S100A8: variants seen among roughly 807,000 people sequenced by gnomAD.
The protein encoded by S100A8 is protein S100-A8.
Under a neutral mutation model 4.2 loss-of-function variants are expected in S100A8, and 1 was observed. The ratio of observed to expected loss-of-function variants is 0.24; its 90% CI spans 0.08 to 1.12. The LOEUF is 1.12. S100A8 is among the 50% of genes most tolerant of loss of function. The probability of loss-of-function intolerance (pLI) is 0.53; values close to 1 mark genes in which losing one functional copy is unlikely to be tolerated. For synonymous variants in S100A8, 41 were observed against 44.7 expected (o/e 0.92, Z 0.33); for missense variants, 96 against 111.8 (o/e 0.86, Z 0.64).
chr1:153,422,158 CA>C, the S100A8 span: 2 of 152,212 alleles, frequency 1.3e-5, no homozygotes, highest in African/African-American at 4.8e-5. Flanking sequence ...CCAAACTCAC[CA>C]AGGTGGCTTA....
the S100A8 span, among the ~76,000 whole-genome samples, chr1:153,409,138 A>C: frequency 6.6e-6 from 1 of 152,214 alleles, no homozygotes; most frequent in Admixed American, 6.5e-5. Context: ...TATTAACCTT[A>C]AATGTAAATG....
the S100A8 span, among the ~76,000 whole-genome samples, chr1:153,408,020 G>A: frequency 4.2e-4 from 64 of 152,302 alleles, no homozygotes; most frequent in African/African-American, 1.5e-3. Context: ...ATGGGGAGAA[G>A]CCAGAGCAGA....
chr1:153,400,203 T>C, the S100A8 span, among the ~76,000 whole-genome samples: 12 of 152,152 alleles, frequency 7.9e-5, no homozygotes, highest in African/African-American at 2.2e-4. Flanking sequence ...TTTAAATCAG[T>C]TGGGTGATGG....
chr1:153,402,818 G>GA, the S100A8 span, among the ~76,000 whole-genome samples: 1 of 151,988 alleles, frequency 6.6e-6, no homozygotes, highest in Non-Finnish European at 1.5e-5. Flanking sequence ...AGGGAATCAT[G>GA]AAAAAGAAAA....
At chr1:153,408,121 G>A in the S100A8 span, among the ~76,000 whole-genome samples, 2 of 152,214 alleles carry the variant, frequency 1.3e-5, no homozygotes, top group African/African-American at 4.8e-5. Context: ...GATGGAGAAT[G>A]ACTTTGACGA....
the S100A8 span, among the ~76,000 whole-genome samples, chr1:153,406,281 C>T: frequency 8.2e-4 from 124 of 151,656 alleles, no homozygotes; most frequent in Middle Eastern, 3.4e-3. Context: ...CATGGCTGGG[C>T]GGCAGCAAAC....
chr1:153,419,181 G>A, the S100A8 span: 1 of 1,614,148 alleles, frequency 6.2e-7, no homozygotes, highest in Non-Finnish European at 8.5e-7. Flanking sequence ...CACTGTCTTT[G>A]AGAAAAAGGA....
chr1:153,418,045 G>A, the S100A8 span: 3 of 1,612,178 alleles, frequency 1.9e-6, no homozygotes, highest in African/African-American at 1.3e-5. Context: ...GGTAAGAAAT[G>A]ATTGTCTTTA....
chr1:153,410,356 A>G, the S100A8 span, among the ~76,000 whole-genome samples: 1 of 152,390 alleles, frequency 6.6e-6, no homozygotes, highest in Non-Finnish European at 1.5e-5. Flanking sequence ...AAACACTTCT[A>G]TGCAAATAAG....
At chr1:153,405,608 T>A in the S100A8 span, among the ~76,000 whole-genome samples, 1 of 152,138 alleles carries the variant, frequency 6.6e-6, no homozygotes, top group Non-Finnish European at 1.5e-5. Context: ...GAACATCTTA[T>A]CAATATCCTC....
chr1:153,391,242 T>C (rs2101609435), upstream of S100A8: 1 of 980,170 alleles, frequency 1.0e-6, no homozygotes. Context: ...GGTGGGGAGG[T>C]AGGAGAAGCG....
chr1:153,407,647 C>A, the S100A8 span, among the ~76,000 whole-genome samples: 1 of 152,202 alleles, frequency 6.6e-6, no homozygotes, highest in South Asian at 2.1e-4. Context: ...AGTTTGAGAT[C>A]TGAGAACTGA....
the S100A8 span, among the ~76,000 whole-genome samples, chr1:153,416,109 A>T: frequency 2.0e-5 from 3 of 152,188 alleles, no homozygotes; most frequent in African/African-American, 7.2e-5. Flanking sequence ...AACGCTCAGT[A>T]AGCGGTGGGG....
At chr1:153,397,989 C>T in the S100A8 span, among the ~76,000 whole-genome samples, 1 of 152,204 alleles carries the variant, frequency 6.6e-6, no homozygotes, top group African/African-American at 2.4e-5. Flanking sequence ...GGAAACAGGA[C>T]CACCAACAAT....
chr1:153,395,122 A>T (rs529649248), upstream of S100A8, among the ~76,000 whole-genome samples: 6 of 152,210 alleles, frequency 3.9e-5, no homozygotes, highest in Non-Finnish European at 1.5e-5. Context: ...ATACCGGAGG[A>T]CTCAGATCAG....
the S100A8 span, among the ~76,000 whole-genome samples, chr1:153,407,333 C>T: frequency 2.0e-5 from 3 of 152,230 alleles, no homozygotes; most frequent in South Asian, 4.1e-4. Context: ...CCGTGCCTGG[C>T]TCGGACAGTC....
At chr1:153,391,745 G>T (rs1172471381), upstream of S100A8, among the ~76,000 whole-genome samples, 1 of 152,194 alleles carries the variant, frequency 6.6e-6, no homozygotes, top group Non-Finnish European at 1.5e-5. Flanking sequence ...TGCCCTGGGA[G>T]ATGGAGGCTG....
chr1:153,406,343 T>A, the S100A8 span, among the ~76,000 whole-genome samples: 1 of 152,088 alleles, frequency 6.6e-6, no homozygotes, highest in Non-Finnish European at 1.5e-5. Flanking sequence ...GACATGGGGA[T>A]GATGGCTCTG....
At chr1:153,419,169 G>A in the S100A8 span, 104 of 1,613,842 alleles carry the variant, frequency 6.4e-5, no homozygotes, top group Admixed American at 1.2e-4. Flanking sequence ...ACATTACCTC[G>A]CCACTGTCTT....
Sources: allele counts gnomAD v4.1 joint callset (sites outside exome capture counted in the v4.1 genomes callset), GRCh38; gene constraint gnomAD v4.1.1; transcripts MANE v1.5; gene names NCBI Gene and HGNC (gene_info 2026-07-23, HGNC 2026-07-21).